Variants in IFRD1 observed in about 807,000 individuals in gnomAD.
IFRD1 encodes interferon related developmental regulator 1, also known as interferon-related developmental regulator 1.
IFRD1 carries 35 observed loss-of-function variants against 52.9 expected under a neutral mutation model. The observed-to-expected ratio is 0.66, with a 90% CI of 0.51 to 0.88. The LOEUF is 0.88. Among genes scored for constraint, IFRD1 ranks in the 40% least tolerant of loss-of-function variants. IFRD1 has a pLI of 0.00. For synonymous variants in IFRD1, 184 were observed against 188.4 expected (o/e 0.98, Z 0.19); for missense variants, 517 against 550.8 (o/e 0.94, Z 0.61).
At chr7:112,446,441 A>G (rs1795032967), upstream of IFRD1, 1 of 152,868 alleles carries the variant, frequency 6.5e-6, no homozygotes, top group Non-Finnish European at 1.5e-5. Context: ...AAGATACAAT[A>G]GTGAATAAAA....
intron 1 of IFRD1, among the ~76,000 whole-genome samples, chr7:112,443,666 C>T (rs989497659): frequency 2.0e-5 from 3 of 151,778 alleles, no homozygotes; most frequent in Non-Finnish European, 2.9e-5. Context: ...GTCAGGAGTT[C>T]GAGACCAGCC....
At chr7:112,473,541 C>G in intron 11 of IFRD1, among the ~76,000 whole-genome samples, 1 of 151,920 alleles carries the variant, frequency 6.6e-6, no homozygotes, top group South Asian at 2.1e-4. Context: ...TATCCTGCCT[C>G]AGCCTCCTGA....
intron 1 of IFRD1, among the ~76,000 whole-genome samples, chr7:112,455,554 A>G (rs891768460): frequency 2.0e-5 from 3 of 152,194 alleles, no homozygotes; most frequent in African/African-American, 7.2e-5. Context: ...CGTATAGTTG[A>G]TGTATCATTG....
At chr7:112,458,801 G>A (rs1046376792) in intron 4 of IFRD1, 60 bp from the exon 5 acceptor site, 4 of 1,480,372 alleles carry the variant, frequency 2.7e-6, no homozygotes, top group Non-Finnish European at 3.8e-6. Context: ...GGAAATAACT[G>A]TCTTAGTAAG....
In IFRD1 at chr7:112,462,509, ACTT is replaced by A. The variant is rs1345635170; in HGVS notation, c.906+135_906+137del. ...TGAGAACCCAGTGATTTATTTCCCT[ACTT>A]CTTGGCAGTGGTGGTGTAATACTTT... On this transcript the variant is annotated intron_variant, in intron 8 of 11. Transcript: ENST00000403825. 4 of 724,444 alleles carry A rather than the reference ACTT, an allele frequency of 5.5e-6. No homozygotes were observed. The East Asian group carries it at 1.1e-4, about 19-fold the overall frequency. 44.9% of individuals were successfully genotyped at this position (724,444 alleles called of 1,614,324 possible).
At chr7:112,447,401 T>C (rs1160319136), upstream of IFRD1, among the ~76,000 whole-genome samples, 2 of 152,232 alleles carry the variant, frequency 1.3e-5, no homozygotes, top group African/African-American at 4.8e-5. Context: ...CCTCCTGATA[T>C]ATGAGGCAGA....
At chr7:112,427,473 A>G (rs1245739061) in intron 1 of IFRD1, among the ~76,000 whole-genome samples, 1 of 152,190 alleles carries the variant, frequency 6.6e-6, no homozygotes, top group Non-Finnish European at 1.5e-5. Context: ...CTACATTTTC[A>G]TCATTCTATT....
intron 1 of IFRD1, among the ~76,000 whole-genome samples, chr7:112,424,670 C>A (rs1460356730): frequency 6.6e-6 from 1 of 152,136 alleles, no homozygotes; most frequent in Non-Finnish European, 1.5e-5. Flanking sequence ...CCGCCTCAGC[C>A]TCCCAAAGTG....
chr7:112,450,859 G>A, intron 1 of IFRD1, 77 bp downstream of exon 1: 2 of 1,002,580 alleles, frequency 2.0e-6, no homozygotes, highest in Non-Finnish European at 3.2e-6. Context: ...CACGGTGGGA[G>A]TTGTAGTTCT....
intron 9 of IFRD1, among the ~76,000 whole-genome samples, chr7:112,469,021 GTTTTTTGGTAGGCCAGGTAAATA>G (rs1376392822): frequency 3.4e-4 from 52 of 152,250 alleles, no homozygotes; most frequent in East Asian, 3.9e-4. Flanking sequence ...TTTAATAATT[GTTTTTTGGTAGGCCAGGTAAATA>G]TTTTTTGGTA....
At chr7:112,430,277 T>A (rs1176494991) in intron 1 of IFRD1, among the ~76,000 whole-genome samples, 1 of 152,228 alleles carries the variant, frequency 6.6e-6, no homozygotes, top group East Asian at 1.9e-4. Context: ...CCTTCTGTTA[T>A]CCCAAGCCTC....
chr7:112,460,526 G>T (rs1795409987), intron 5 of IFRD1, among the ~76,000 whole-genome samples: 1 of 152,176 alleles, frequency 6.6e-6, no homozygotes, highest in Non-Finnish European at 1.5e-5. Context: ...TTATGGGTGT[G>T]AGCCACCGCA....
intron 8 of IFRD1, chr7:112,467,345 A>G (rs1366084513): frequency 3.3e-5 from 5 of 152,348 alleles, no homozygotes; most frequent in Non-Finnish European, 4.4e-5. Context: ...TTAGGAAATA[A>G]AAACACCTCA....
At chr7:112,451,513 C>T (rs1795165112) in intron 1 of IFRD1, among the ~76,000 whole-genome samples, 2 of 152,208 alleles carry the variant, frequency 1.3e-5, no homozygotes, top group Admixed American at 1.3e-4. Context: ...TATATGTTCT[C>T]TGCAGTGAGC....
At position 112,477,122 on chromosome 7, in the gene IFRD1, T is replaced by C. The variant is rs935129143; in HGVS notation, c.*1603T>C. 4 of 152,218 alleles carry C rather than the reference T, an allele frequency of 2.6e-5. No individual in the cohort carries two copies. Among genetic ancestry groups the C allele is most frequent in the African/African-American group, 7.2e-5 (3 of 41,442 alleles). 9.4% of individuals were successfully genotyped at this position (152,218 alleles called of 1,614,324 possible). On this transcript the variant is annotated 3_prime_UTR_variant, in exon 12 of 12. Transcript: ENST00000403825. ...AAAGAGATTGCAAATGGTAGTTTCT[T>C]CTAGATATTCAAATGCATATATGTA...
chr7:112,423,647 G>A (rs1234979921), intron 1 of IFRD1, among the ~76,000 whole-genome samples: 1 of 152,136 alleles, frequency 6.6e-6, no homozygotes, highest in African/African-American at 2.4e-5. Context: ...AAAATTAAAA[G>A]CAAATAGTGG....
At chr7:112,457,198 G>A in intron 4 of IFRD1, 160 bp downstream of exon 4, 1 of 737,144 alleles carries the variant, frequency 1.4e-6, no homozygotes, top group Middle Eastern at 3.1e-4. Flanking sequence ...AATGAGACTT[G>A]TTAGAACTTT....
At chr7:112,431,574 C>T (rs1039579195) in intron 1 of IFRD1, among the ~76,000 whole-genome samples, 79 of 152,320 alleles carry the variant, frequency 5.2e-4, no homozygotes, top group Non-Finnish European at 1.5e-5. Flanking sequence ...CTATGCAGTC[C>T]TCCTTCCCAT....
rs1795276496 is a variant in IFRD1, at chr7:112,455,785, G to C, written c.117G>C (p.Gln39His). 6.2e-7 allele frequency: 1 copy of C among 1,611,826 alleles called. No homozygotes were observed. The highest frequency in any genetic ancestry group is 8.5e-7 in the Non-Finnish European group (1 of 1,178,142). The change falls in exon 2 of 12, where the codon CAG (glutamine) becomes CAC (histidine). Residue 39 changes from glutamine (Q) to histidine (H), a missense_variant. Gln to His is a conservative substitution (Grantham distance 24, BLOSUM62 0). Transcript: ENST00000403825. The part of the protein sequence containing the change: ...ATAGGQHRNV[Q>H]PFSDEDASIE... ...TAGGTGGCCAGCATCGAAATGTTCA[G>C]CCTTTTAGTGATGAAGATGCATCAA...
Sources: allele counts gnomAD v4.1 joint callset (sites outside exome capture counted in the v4.1 genomes callset), GRCh38; gene constraint gnomAD v4.1.1; transcripts MANE v1.5; gene names NCBI Gene and HGNC (gene_info 2026-07-23, HGNC 2026-07-21).